ZBTB48: variants seen among roughly 807,000 people sequenced by gnomAD.
ZBTB48 encodes the protein zinc finger and BTB domain containing 48.
In ZBTB48, 35 loss-of-function variants were observed where a neutral mutation model predicts 64.5. The observed-to-expected ratio is 0.54, with a 90% CI of 0.41 to 0.72. The LOEUF (loss-of-function observed/expected upper bound fraction) is 0.72. Ranked by LOEUF, ZBTB48 falls within the 30% of genes least tolerant of loss-of-function variation. The pLI is 0.00. For missense variants in ZBTB48, 828 were observed against 895.3 expected (o/e 0.92, Z 0.96); for synonymous variants, 442 against 356.7 (o/e 1.24, Z -2.70).
rs773540143 is a variant in ZBTB48, at chr1:6,585,931, G to A, written c.945G>A (p.Gly315=). The A allele has an allele frequency of 6.2e-7, 1 of 1,614,068 alleles. No homozygotes were observed. Among genetic ancestry groups the A allele is most frequent in the South Asian group, 1.1e-5 (1 of 91,084 alleles). ...YLKVHNRKHT[G]EKPFECPKCG... ...CTTCTCCTGGCAGGAAACATACTGG[G>A]GAGAAACCCTTTGAGTGTCCCAAAT... Residue 315 remains glycine, a synonymous_variant, in exon 4 of 11, where the codon GGG becomes GGA. Coordinates refer to ENST00000377674, the MANE Select transcript of ZBTB48 (RefSeq NM_005341.4).
intron 9 of ZBTB48, 38 bp from the exon 10 acceptor site, chr1:6,588,718 C>T: frequency 6.2e-7 from 1 of 1,612,774 alleles, no homozygotes; most frequent in Non-Finnish European, 8.5e-7. Context: ...GGTCCCGGGG[C>T]TCCTGCATGA....
rs757232365 is a variant in ZBTB48, at chr1:6,589,092, C to T, written c.1947C>T (p.Gly649=). The change falls in exon 11 of 11, where the codon GGC becomes GGT. Residue 649 remains glycine, a synonymous_variant. Coordinates refer to ENST00000377674, the MANE Select transcript of ZBTB48 (RefSeq NM_005341.4). ...AEVIVESLAQ[G]GLASQLPGQR... is the part of the protein sequence containing the mutation. The stretch of plus-strand genomic sequence containing the variant: ...TCATTGTGGAGTCCCTGGCCCAGGG[C>T]GGCCTGGCCTCCCAGCTCCCCGGCC... 24 of 1,608,324 alleles carry T rather than the reference C, an allele frequency of 1.5e-5. No homozygotes were observed. The highest frequency in any genetic ancestry group is 2.2e-5 in the East Asian group (1 of 44,862).
rs761448654 is a variant in ZBTB48, at chr1:6,582,081, G to A, written c.714G>A (p.Glu238=). 30 of 1,614,136 alleles carry A rather than the reference G, an allele frequency of 1.9e-5. 1 individual carries two copies. Among genetic ancestry groups the A allele is most frequent in the Middle Eastern group, 3.3e-4 (2 of 6,058 alleles). The part of the protein sequence containing the change: ...SNEWEVVVQV[E]DDGDGDYMSE... ...AGTGGGAAGTGGTGGTTCAAGTGGA[G>A]GATGATGGGGATGGCGATTACATGT... Residue 238 remains glutamate, a synonymous_variant, in exon 3 of 11, where the codon GAG becomes GAA. Transcript: ENST00000377674.
chr1:6,580,703 G>T lies in ZBTB48; in HGVS notation c.94G>T (p.Val32Leu). ...KGQYCDATLDVGGLVFKAHWS... is the reference protein window; with the variant it reads ...KGQYCDATLDLGGLVFKAHWS... ...CCAGTACTGCGACGCCACTCTGGAC[G>T]TGGGGGGCCTGGTGTTTAAGGCACA... The change falls in exon 2 of 11, where the codon GTG (valine) becomes TTG (leucine). Residue 32 changes from valine to leucine, a missense_variant. Physicochemically the swap from Val to Leu is conservative, Grantham distance 32 (BLOSUM62 1). Coordinates refer to ENST00000377674, the MANE Select transcript of ZBTB48 (RefSeq NM_005341.4). The surrounding 1 kb of genome is among the most constrained non-coding windows in gnomAD (Gnocchi z 5.2). 6.2e-7 allele frequency: 1 copy of T among 1,614,164 alleles called. No homozygotes were observed. Among genetic ancestry groups the T allele is most frequent in the South Asian group, 1.1e-5 (1 of 91,086 alleles).
rs1271870023 is a variant in ZBTB48 at position 6,589,164 on chromosome 1, G to A, written c.2019G>A (p.Glu673=). Residue 673 remains glutamate, a synonymous_variant, in exon 11 of 11, where the codon GAG becomes GAA. Transcript: ENST00000377674. ...GCTTCACCGGCCCAGGTGTCCTGGAGCCCTCCCTCATCATCACAGCTGCTG... is the reference window on the plus strand; with the variant it reads ...GCTTCACCGGCCCAGGTGTCCTGGAACCCTCCCTCATCATCACAGCTGCTG... ...EESFTGPGVL[E]PSLIITAAVP... The A allele has an allele frequency of 1.3e-6, 2 of 1,556,512 alleles. No individual in the cohort carries two copies. The highest frequency in any genetic ancestry group is 1.2e-5 in the South Asian group (1 of 82,312).
In ZBTB48 at chr1:6,589,150, C is replaced by T. The variant is rs1332125297; in HGVS notation, c.2005C>T (p.Pro669Ser). The T allele has an allele frequency of 6.3e-7, 1 of 1,577,060 alleles. No homozygotes were observed. The highest frequency in any genetic ancestry group is 1.2e-5 in the South Asian group (1 of 85,652). ...RLCAEESFTG[P>S]GVLEPSLIIT... ...GTGTGCAGAGGAGAGCTTCACCGGC[C>T]CAGGTGTCCTGGAGCCCTCCCTCAT... The change falls in exon 11 of 11, where the codon CCA becomes TCA. Residue 669 changes from proline to serine, a missense_variant. By Grantham distance (74) the Pro-to-Ser change is moderately conservative. Transcript: ENST00000377674.
intron 7 of ZBTB48, 54 bp downstream of exon 7, chr1:6,587,686 G>A: frequency 1.2e-6 from 2 of 1,602,466 alleles, no homozygotes; most frequent in Non-Finnish European, 1.7e-6. Context: ...GCCCAGGCTT[G>A]CACCGGCAGG....
intron 2 of ZBTB48, 53 bp downstream of exon 2, chr1:6,581,352 T>A: frequency 2.0e-6 from 3 of 1,500,050 alleles, no homozygotes; most frequent in Non-Finnish European, 8.9e-7. Context: ...GAATAGACAC[T>A]TTTTTGGTAT....
At chr1:6,581,679 AT>A (rs1249515916) in intron 2 of ZBTB48, among the ~76,000 whole-genome samples, 19 of 151,748 alleles carry the variant, frequency 1.3e-4, no homozygotes, top group African/African-American at 2.2e-4. Flanking sequence ...AAAAAAAAAA[AT>A]ATGTGGACCT....
In ZBTB48 at chr1:6,584,476, G is replaced by A. The variant is rs1032578668; in HGVS notation, c.933-1443G>A. ...AGCCAAGACATCACTAGTCTATCAT[G>A]GTGTGTTTTCTTGCCATGCCAGGTT... On this transcript the variant is annotated intron_variant, in intron 3 of 10. Coordinates refer to ENST00000377674, the MANE Select transcript of ZBTB48 (RefSeq NM_005341.4). The surrounding 1 kb of genome is among the most constrained non-coding windows in gnomAD (Gnocchi z 4.5). 2.6e-5 allele frequency among the ~76,000 whole-genome samples: 4 copies of A among 152,174 alleles called. No homozygotes were observed. The highest frequency in any genetic ancestry group is 9.7e-5 in the African/African-American group (4 of 41,434).
intron 3 of ZBTB48, 154 bp from the exon 4 acceptor site, chr1:6,585,765 C>A: frequency 3.0e-6 from 2 of 668,726 alleles, no homozygotes; most frequent in Non-Finnish European, 5.2e-6. Flanking sequence ...AGTCTCCATG[C>A]TGGGGGAGGC....
In ZBTB48 at chr1:6,581,287, C is replaced by A. The variant is rs373130931; in HGVS notation, c.678C>A (p.Gly226=). 3.7e-6 allele frequency: 6 copies of A among 1,602,006 alleles called. No homozygotes were observed. The South Asian group carries it at 6.6e-5, about 18-fold the overall frequency. ...PLEAEGAQLQ[G]GSNEWEVVVQ... ...AGGCTGAAGGTGCCCAGCTGCAGGG[C>A]GGCAGTAATGAGGTACTGTGCCCAG... Residue 226 remains glycine, a synonymous_variant, in exon 2 of 11, where the codon GGC becomes GGA. Transcript: ENST00000377674.
chr1:6,580,374 C>A lies in ZBTB48; in HGVS notation c.-69-167C>A, dbSNP rs1413074645. Among the ~76,000 whole-genome samples the A allele has an allele frequency of 6.8e-6, 1 of 146,594 alleles. No homozygotes were observed. Among genetic ancestry groups the A allele is most frequent in the Non-Finnish European group, 1.5e-5 (1 of 65,170 alleles). On this transcript the variant is annotated intron_variant, in intron 1 of 10. Transcript: ENST00000377674. This position sits in a 1 kb window ranked among gnomAD's most constrained non-coding sequence, Gnocchi z 5.2. ...GCCCTTCTTCACGACCCTGGCCCCC[C>A]ATCCAGCATCCCCCCTGGCCAATCC...
At chr1:6,586,534 T>TG (rs1640673488) in intron 4 of ZBTB48, 161 bp from the exon 5 acceptor site, 2 of 1,391,126 alleles carry the variant, frequency 1.4e-6, no homozygotes, top group African/African-American at 2.9e-5. Flanking sequence ...CACTCAGTGA[T>TG]GGTCAGGCCA....
chr1:6,587,771 T>G, intron 7 of ZBTB48, 139 bp downstream of exon 7: 1 of 1,404,286 alleles, frequency 7.1e-7, no homozygotes, highest in Non-Finnish European at 9.5e-7. Context: ...GCCTACAGCC[T>G]CTCTGGGATA....
chr1:6,580,624 C>T lies in ZBTB48; in HGVS notation c.15C>T (p.Phe5=), dbSNP rs1356534483. 1 of 1,609,766 alleles carries T rather than the reference C, an allele frequency of 6.2e-7. No individual in the cohort carries two copies. Among genetic ancestry groups the T allele is most frequent in the African/African-American group, 1.3e-5 (1 of 74,948 alleles). The change falls in exon 2 of 11, where the codon TTC becomes TTT. Residue 5 remains phenylalanine (F), a synonymous_variant. Coordinates refer to ENST00000377674, the MANE Select transcript of ZBTB48 (RefSeq NM_005341.4). The surrounding 1 kb of genome is among the most constrained non-coding windows in gnomAD (Gnocchi z 5.2). The part of the protein sequence containing the change: MDGS[F]VQHSVRVLQE... ...CCCTCCAGACCATGGACGGCTCCTT[C>T]GTCCAGCACAGTGTGAGGGTTCTGC...
chr1:6,585,761 C>T (rs1640638283), intron 3 of ZBTB48, 158 bp from the exon 4 acceptor site: 1 of 658,022 alleles, frequency 1.5e-6, no homozygotes, highest in South Asian at 1.8e-5. Flanking sequence ...GCAGAGTCTC[C>T]ATGCTGGGGG....
In ZBTB48 at chr1:6,580,838, T is replaced by C. The variant is rs765363787; in HGVS notation, c.229T>C (p.Leu77=). ...AGFAEIFGLL[L]DFFYTGHLAL... is the part of the protein sequence containing the mutation. ...CTTCGCTGAGATCTTTGGCCTCTTG[T>C]TGGACTTTTTCTACACTGGTCACCT... Residue 77 remains leucine (L), a synonymous_variant, in exon 2 of 11, where the codon TTG becomes CTG. Transcript: ENST00000377674. This position sits in a 1 kb window ranked among gnomAD's most constrained non-coding sequence, Gnocchi z 5.2. 2 of 1,614,222 alleles carry C rather than the reference T, an allele frequency of 1.2e-6. No homozygotes were observed. The highest frequency in any genetic ancestry group is 1.7e-6 in the Non-Finnish European group (2 of 1,180,042).
rs1640737522 is a variant in ZBTB48 at position 6,587,978 on chromosome 1, C to T, written c.1380-82C>T. The stretch of plus-strand genomic sequence containing the variant: ...TAGCACTGCCCAAGCCCTCTTTCCA[C>T]CAGGCATGCTCCTAGCTGTAGCAGA... On this transcript the variant is annotated intron_variant, in intron 7 of 10. Coordinates refer to ENST00000377674, the MANE Select transcript of ZBTB48 (RefSeq NM_005341.4). The T allele has an allele frequency of 3.8e-6, 6 of 1,564,650 alleles. 1 individual carries two copies. The highest frequency in any genetic ancestry group is 3.6e-5 in the Admixed American group (2 of 55,076).
Sources: allele counts gnomAD v4.1 joint callset (sites outside exome capture counted in the v4.1 genomes callset), GRCh38; gene constraint gnomAD v4.1.1; non-coding constraint Gnocchi (gnomAD v3.1); transcripts MANE v1.5; gene names NCBI Gene and HGNC (gene_info 2026-07-23, HGNC 2026-07-21).